The following SLC24A1 variants were observed in gnomAD, a reference collection of about 807,000 sequenced individuals.
SLC24A1 encodes the protein solute carrier family 24 member 1, also known as sodium/potassium/calcium exchanger 1.
In SLC24A1, 52 loss-of-function variants were observed where a neutral mutation model predicts 88.1. That is an observed-to-expected ratio of 0.59 (90% CI 0.47 to 0.74). SLC24A1 has a LOEUF of 0.74. SLC24A1 is among the 30% of genes least tolerant of loss of function. The pLI is 0.00. For missense variants in SLC24A1, 1,173 were observed against 1,363.3 expected (o/e 0.86, Z 2.20); for synonymous variants, 455 against 498.0 (o/e 0.91, Z 1.15).
Position 65,615,884 on chromosome 15 carries a change from CCA to C in SLC24A1, c.-227-2994_-227-2993del, listed in dbSNP as rs1405045813. 1.8e-3 allele frequency among the ~76,000 whole-genome samples: 218 copies of C among 122,580 alleles called. 3 individuals are homozygous for C. Among genetic ancestry groups the C allele is most frequent in the African/African-American group, 6.7e-3 (206 of 30,766 alleles). The allele number at this position is 122,580 out of a possible 152,430, so 80.4% of individuals were successfully genotyped here. On this transcript the variant is annotated intron_variant, in intron 2 of 11. Transcript: ENST00000537259. The stretch of plus-strand genomic sequence containing the variant: ...CTAATGCTATCCCTCCCCCACCCCC[CCA>C]CCCCCCAACAGGCCCCAGTGTGTGA...
chr15:65,629,161 C>A (rs185018020), intron 2 of SLC24A1, among the ~76,000 whole-genome samples: 37 of 152,284 alleles, frequency 2.4e-4, no homozygotes, highest in Non-Finnish European at 8.8e-5. Context: ...ATACAATCAG[C>A]GGAGAACAAT....
chr15:65,655,432 G>C lies in SLC24A1; in HGVS notation c.*1353G>C. ...GAGAAAAGTGCAGTACTACTTCCAA[G>C]GTAGCTAGTGTAAAGGACACTTGAG... On this transcript the variant is annotated 3_prime_UTR_variant, in exon 10 of 10. Coordinates refer to ENST00000261892, the MANE Select transcript of SLC24A1 (RefSeq NM_004727.3). 1 of 985,356 alleles carries C rather than the reference G, an allele frequency of 1.0e-6. No individual in the cohort carries two copies. The highest frequency in any genetic ancestry group is 1.2e-6 in the Non-Finnish European group (1 of 829,892). The allele number at this position is 985,356 out of a possible 1,614,324, so 61.0% of individuals were successfully genotyped here.
intron 4 of SLC24A1, among the ~76,000 whole-genome samples, chr15:65,641,858 T>G (rs2075140249): frequency 6.6e-6 from 1 of 152,232 alleles, no homozygotes; most frequent in South Asian, 2.1e-4. Context: ...CTGGCCTACT[T>G]GTCCTAACAG....
In SLC24A1 at chr15:65,624,524, T is replaced by G. The variant is rs887615107; in HGVS notation, c.444T>G (p.Ser148Arg). Residue 148 changes from serine to arginine, a missense_variant, in exon 2 of 10, where the codon AGT becomes AGG. By Grantham distance (110) the Ser-to-Arg change is moderately radical (BLOSUM62 -1). Coordinates refer to ENST00000261892, the MANE Select transcript of SLC24A1 (RefSeq NM_004727.3). ...GGAAGGAAGACACCCCAACATCCAG[T>G]AGAACACTGACTTACTACACCTCAA... Reference protein sequence around the residue: ...ERRKEDTPTSSRTLTYYTSTS... With the variant: ...ERRKEDTPTSRRTLTYYTSTS... 2 of 1,603,262 alleles carry G rather than the reference T, an allele frequency of 1.2e-6. No homozygotes were observed. Among genetic ancestry groups the G allele is most frequent in the Non-Finnish European group, 1.7e-6 (2 of 1,174,660 alleles).
chr15:65,628,963 G>A (rs1041509074), intron 2 of SLC24A1, among the ~76,000 whole-genome samples: 2 of 152,126 alleles, frequency 1.3e-5, no homozygotes, highest in Non-Finnish European at 2.9e-5. Context: ...AAACTTTTTC[G>A]GTAAAGGGCC....
Position 65,622,081 on chromosome 15 carries a change from C to T in SLC24A1, c.-138C>T, listed in dbSNP as rs1460142557. 1 of 152,202 alleles carries T rather than the reference C, an allele frequency of 6.6e-6. No homozygotes were observed. Among genetic ancestry groups the T allele is most frequent in the Non-Finnish European group, 1.5e-5 (1 of 68,076 alleles). The allele number at this position is 152,202 out of a possible 1,614,324, so 9.4% of individuals were successfully genotyped here. On this transcript the variant is annotated 5_prime_UTR_variant, in exon 1 of 10. Coordinates refer to ENST00000261892, the MANE Select transcript of SLC24A1 (RefSeq NM_004727.3). ...CAGAGCTGAGAAGACAGCCAGATGTCAAGGTCTGAAGGTAAATGATGTAAT... is the reference window on the plus strand; with the variant it reads ...CAGAGCTGAGAAGACAGCCAGATGTTAAGGTCTGAAGGTAAATGATGTAAT...
At chr15:65,629,776 A>T (rs1471553166) in intron 2 of SLC24A1, among the ~76,000 whole-genome samples, 1 of 152,182 alleles carries the variant, frequency 6.6e-6, no homozygotes, top group African/African-American at 2.4e-5. Context: ...AGCCATCTAC[A>T]TGAGGTGTAT....
At chr15:65,651,106 C>T (rs544572604) in intron 7 of SLC24A1, among the ~76,000 whole-genome samples, 164 bp downstream of exon 7, 2 of 152,210 alleles carry the variant, frequency 1.3e-5, no homozygotes, top group Admixed American at 6.5e-5. Context: ...TGGAGGGGGA[C>T]TATGTGCTTA....
chr15:65,653,748 T>G, intron 9 of SLC24A1, 82 bp from the exon 10 acceptor site: 2 of 1,358,480 alleles, frequency 1.5e-6, no homozygotes, highest in Non-Finnish European at 2.0e-6. Context: ...GAAAAATACT[T>G]TGTAAAGTAT....
chr15:65,642,019 T>C (rs1241380081), intron 4 of SLC24A1, among the ~76,000 whole-genome samples: 1 of 152,146 alleles, frequency 6.6e-6, no homozygotes, highest in Non-Finnish European at 1.5e-5. Flanking sequence ...GCTGGTACAT[T>C]GTCTCTGGGT....
chr15:65,614,354 A>G (rs2074067682), intron 2 of SLC24A1, among the ~76,000 whole-genome samples: 1 of 152,182 alleles, frequency 6.6e-6, no homozygotes, highest in Non-Finnish European at 1.5e-5. Flanking sequence ...CATAATTAAC[A>G]ATAAATCCCT....
intron 2 of SLC24A1, among the ~76,000 whole-genome samples, chr15:65,636,424 A>G (rs1286038507): frequency 6.6e-6 from 1 of 152,194 alleles, no homozygotes; most frequent in Non-Finnish European, 1.5e-5. Flanking sequence ...TCTACAAAAA[A>G]TACAAAAACT....
intron 2 of SLC24A1, chr15:65,612,744 G>T (rs918491473): frequency 2.6e-5 from 4 of 152,202 alleles, no homozygotes; most frequent in African/African-American, 9.7e-5. Context: ...TAGCCATAGG[G>T]TTACTGTCCT....
At chr15:65,653,267 C>G (rs775673475) in intron 9 of SLC24A1, among the ~76,000 whole-genome samples, 3 of 152,190 alleles carry the variant, frequency 2.0e-5, no homozygotes, top group Non-Finnish European at 2.9e-5. Context: ...ACTCCATTCT[C>G]CCAACCTTGT....
At position 65,624,369 on chromosome 15, in the gene SLC24A1, G is replaced by C; in HGVS notation, c.289G>C (p.Val97Leu). 6.2e-7 allele frequency: 1 copy of C among 1,613,780 alleles called. No homozygotes were observed. Among genetic ancestry groups the C allele is most frequent in the Non-Finnish European group, 8.5e-7 (1 of 1,179,802 alleles). Reference protein sequence around the residue: ...GGKMLVPQASVGSDEATLSMT... With the variant: ...GGKMLVPQASLGSDEATLSMT... ...TAAGATGCTGGTACCCCAAGCCTCA[G>C]TGGGCAGTGATGAAGCAACACTGAG... Residue 97 changes from valine to leucine, a missense_variant, in exon 2 of 10, where the codon GTG (valine) becomes CTG (leucine). By Grantham distance (32) the Val-to-Leu change is conservative. Transcript: ENST00000261892.
chr15:65,625,489 C>G lies in SLC24A1; in HGVS notation c.1409C>G (p.Ala470Gly). 6.2e-7 allele frequency: 1 copy of G among 1,614,032 alleles called. No homozygotes were observed. The highest frequency in any genetic ancestry group is 8.5e-7 in the Non-Finnish European group (1 of 1,179,892). The change falls in exon 2 of 10, where the codon GCC (alanine) becomes GGC (glycine). Residue 470 changes from alanine (A) to glycine (G), a missense_variant. Ala to Gly is a moderately conservative substitution (Grantham distance 60, BLOSUM62 0). Transcript: ENST00000261892. ...ATGATGTATGTGTTTGTGGCCTTGGCCATTGTTTGCGACGAGTACTTCGTT... is the reference window on the plus strand; with the variant it reads ...ATGATGTATGTGTTTGTGGCCTTGGGCATTGTTTGCGACGAGTACTTCGTT... ...FGMMYVFVAL[A>G]IVCDEYFVPA...
At chr15:65,619,479 T>A (rs1486665078), upstream of SLC24A1, among the ~76,000 whole-genome samples, 1 of 152,090 alleles carries the variant, frequency 6.6e-6, no homozygotes, top group Non-Finnish European at 1.5e-5. Context: ...AACTTAATTT[T>A]ATCTACCCGG....
chr15:65,621,489 T>G (rs141565532), upstream of SLC24A1, among the ~76,000 whole-genome samples: 37 of 152,352 alleles, frequency 2.4e-4, no homozygotes, highest in African/African-American at 8.9e-4. Flanking sequence ...TAATCTTTGT[T>G]TTTTATTTTG....
In SLC24A1 at chr15:65,639,644, G is replaced by A; in HGVS notation, c.1994G>A (p.Ser665Asn). The A allele has an allele frequency of 6.2e-7, 1 of 1,613,040 alleles. No individual in the cohort carries two copies. Among genetic ancestry groups the A allele is most frequent in the African/African-American group, 1.3e-5 (1 of 75,008 alleles). ...RGSSSTSLHN[S>N]TIRSTIYQLM... ...AGCAGCTCGACCTCTCTGCACAACA[G>A]CACCATCCGCAGCACCATCTACCAG... The change falls in exon 4 of 10, where the codon AGC (serine) becomes AAC (asparagine). Residue 665 changes from serine to asparagine, a missense_variant. By Grantham distance (46) the Ser-to-Asn change is conservative. Coordinates refer to ENST00000261892, the MANE Select transcript of SLC24A1 (RefSeq NM_004727.3).
Sources: allele counts gnomAD v4.1 joint callset (sites outside exome capture counted in the v4.1 genomes callset), GRCh38; gene constraint gnomAD v4.1.1; transcripts MANE v1.5; gene names NCBI Gene and HGNC (gene_info 2026-07-23, HGNC 2026-07-21).